TENM3: variants seen among roughly 807,000 people sequenced by gnomAD.
The protein encoded by TENM3 is teneurin transmembrane protein 3.
A neutral mutation model predicts 255.1 loss-of-function variants in TENM3; 63 were observed. The ratio of observed to expected loss-of-function variants is 0.25; its 90% CI spans 0.20 to 0.30. The LOEUF is 0.30. Among genes scored for constraint, TENM3 ranks in the 10% least tolerant of loss-of-function variants. The pLI is 1.00. For missense variants in TENM3, 2,929 were observed against 3,461.1 expected (o/e 0.85, Z 3.86); for synonymous variants, 1,306 against 1,322.3 (o/e 0.99, Z 0.27).
At chr4:181,523,782 C>T in the TENM3 span, among the ~76,000 whole-genome samples, 1 of 152,164 alleles carries the variant, frequency 6.6e-6, no homozygotes, top group African/African-American at 2.4e-5. Context: ...CTCCTATGCG[C>T]CACAAAGTAG....
intron 1 of TENM3, among the ~76,000 whole-genome samples, chr4:182,290,139 G>T (rs1329931137): frequency 6.6e-6 from 1 of 152,182 alleles, no homozygotes; most frequent in Non-Finnish European, 1.5e-5. Flanking sequence ...GGACTAACTG[G>T]CGGGGCAGTG....
the TENM3 span, among the ~76,000 whole-genome samples, chr4:181,550,807 C>T: frequency 6.6e-6 from 1 of 152,050 alleles, no homozygotes; most frequent in Non-Finnish European, 1.5e-5. Flanking sequence ...AGTAACGGTC[C>T]CATATTTACA....
At chr4:182,500,656 A>G (rs1736222983) in intron 3 of TENM3, among the ~76,000 whole-genome samples, 1 of 152,132 alleles carries the variant, frequency 6.6e-6, no homozygotes, top group African/African-American at 2.4e-5. Context: ...GTGTACACAA[A>G]CATATTGTAA....
the TENM3 span, among the ~76,000 whole-genome samples, chr4:181,956,299 G>T: frequency 6.6e-6 from 1 of 152,132 alleles, no homozygotes; most frequent in Non-Finnish European, 1.5e-5. Flanking sequence ...CAAATATATA[G>T]ACCATAGCAC....
chr4:182,304,840 C>T (rs1762047443), intron 1 of TENM3, among the ~76,000 whole-genome samples: 1 of 138,646 alleles, frequency 7.2e-6, no homozygotes, highest in South Asian at 2.4e-4. Context: ...CCCTTATTGT[C>T]CTCCAGTGGT....
At chr4:182,569,575 GAA>G (rs1379062014) in intron 3 of TENM3, among the ~76,000 whole-genome samples, 7 of 148,596 alleles carry the variant, frequency 4.7e-5, no homozygotes, top group African/African-American at 1.8e-4. Flanking sequence ...AAAAAAAAAA[GAA>G]AGAAAGGAAA....
chr4:182,448,822 G>A (rs1420534024), intron 3 of TENM3, among the ~76,000 whole-genome samples: 1 of 151,100 alleles, frequency 6.6e-6, no homozygotes, highest in African/African-American at 2.4e-5. Context: ...GAGGCGAGGG[G>A]GTGAGGCGGC....
At chr4:181,992,060 T>A in the TENM3 span, among the ~76,000 whole-genome samples, 1 of 152,270 alleles carries the variant, frequency 6.6e-6, no homozygotes, top group African/African-American at 2.4e-5. Context: ...CCGTGTGTGT[T>A]CATCACTTTA....
intron 1 of TENM3, among the ~76,000 whole-genome samples, chr4:182,264,098 G>A (rs1759070955): frequency 6.6e-6 from 1 of 152,128 alleles, no homozygotes; most frequent in African/African-American, 2.4e-5. Flanking sequence ...CTCTCTCTGT[G>A]CAAATGGCTA....
chr4:182,747,713 AAAGT>A (rs1423757283), intron 19 of TENM3, among the ~76,000 whole-genome samples: 2 of 152,238 alleles, frequency 1.3e-5, no homozygotes, highest in Non-Finnish European at 2.9e-5. Context: ...AGGATCAAAG[AAAGT>A]GTCAATCATA....
chr4:181,830,864 A>C, the TENM3 span, among the ~76,000 whole-genome samples: 1 of 152,122 alleles, frequency 6.6e-6, no homozygotes, highest in Non-Finnish European at 1.5e-5. Flanking sequence ...AAGCTTATCT[A>C]CGCTGACTGA....
intron 3 of TENM3, among the ~76,000 whole-genome samples, chr4:182,459,527 G>GTAAA: frequency 6.6e-6 from 1 of 151,980 alleles, no homozygotes; most frequent in East Asian, 1.9e-4. Context: ...AAGATTCGTG[G>GTAAA]CCTTTTTTAA....
At chr4:181,480,542 G>A in the TENM3 span, among the ~76,000 whole-genome samples, 22 of 151,940 alleles carry the variant, frequency 1.4e-4, no homozygotes, top group Non-Finnish European at 2.4e-4. Flanking sequence ...CTATTAATAA[G>A]TTGGCTGCAT....
the TENM3 span, among the ~76,000 whole-genome samples, chr4:182,066,094 T>C: frequency 2.0e-5 from 3 of 151,948 alleles, no homozygotes; most frequent in Admixed American, 6.6e-5. Flanking sequence ...TCACAGCAAC[T>C]AGTTTTACGT....
the TENM3 span, among the ~76,000 whole-genome samples, chr4:181,743,715 A>G: frequency 3.9e-5 from 6 of 152,138 alleles, no homozygotes; most frequent in Non-Finnish European, 8.8e-5. Context: ...TTAATTTTTC[A>G]TCTATGTAAG....
chr4:181,899,151 A>G, the TENM3 span, among the ~76,000 whole-genome samples: 2 of 151,934 alleles, frequency 1.3e-5, no homozygotes, highest in African/African-American at 4.8e-5. Context: ...AGAAGTAAAA[A>G]CCATGTGATT....
chr4:181,626,515 G>A, the TENM3 span, among the ~76,000 whole-genome samples: 3 of 152,148 alleles, frequency 2.0e-5, no homozygotes, highest in Non-Finnish European at 4.4e-5. Context: ...TACAATCATG[G>A]CGGAAGGGGA....
At chr4:182,650,889 A>AAAAATATATAT (rs1281790163) in intron 5 of TENM3, among the ~76,000 whole-genome samples, 1 of 29,774 alleles carries the variant, frequency 3.4e-5, no homozygotes, top group Non-Finnish European at 5.7e-5. Context: ...AATAAAAAAA[A>AAAAATATATAT]ATATATATAT....
intron 1 of TENM3, among the ~76,000 whole-genome samples, chr4:182,249,902 A>G (rs1015738891): frequency 6.6e-6 from 1 of 151,952 alleles, no homozygotes; most frequent in Non-Finnish European, 1.5e-5. Flanking sequence ...AGCTGAGACT[A>G]CAAGTATGCA....
Sources: gnomAD v4.1 joint callset for allele counts (sites outside exome capture counted in the v4.1 genomes callset) on GRCh38, gnomAD v4.1.1 for gene constraint, MANE v1.5 for transcripts, NCBI Gene and HGNC (gene_info 2026-07-23, HGNC 2026-07-21) for gene names.